The following RPRD2 variants were observed in gnomAD, a reference collection of about 807,000 sequenced individuals.
RPRD2 encodes regulation of nuclear pre-mRNA domain containing 2.
RPRD2 carries 12 observed loss-of-function variants against 104.4 expected under a neutral mutation model. The observed-to-expected ratio is 0.11, with a 90% CI of 0.07 to 0.19. RPRD2 has a LOEUF of 0.19. RPRD2 is among the 10% of genes least tolerant of loss of function. The pLI is 1.00. For synonymous variants in RPRD2, 714 were observed against 684.9 expected (o/e 1.04, Z -0.66); for missense variants, 1,543 against 1,790.1 (o/e 0.86, Z 2.49).
chr1:150,384,512 C>T (rs897982963), intron 1 of RPRD2, among the ~76,000 whole-genome samples: 4 of 148,948 alleles, frequency 2.7e-5, no homozygotes, highest in African/African-American at 9.9e-5. Context: ...GCTCTTGTTG[C>T]CCAGGCTGGA....
At chr1:150,372,086 G>A (rs587623020) in intron 1 of RPRD2, among the ~76,000 whole-genome samples, 1 of 152,276 alleles carries the variant, frequency 6.6e-6, no homozygotes, top group African/African-American at 2.4e-5. Context: ...TTGATGACCT[G>A]TAGAGTGTAA....
At chr1:150,460,385 T>C in intron 9 of RPRD2, 68 bp downstream of exon 9, 1 of 1,427,316 alleles carries the variant, frequency 7.0e-7, no homozygotes, top group East Asian at 2.5e-5. Flanking sequence ...ATTAATCTGT[T>C]TTTGGGGGGG....
chr1:150,398,210 T>TA (rs1553884599), intron 1 of RPRD2, among the ~76,000 whole-genome samples: 3 of 143,618 alleles, frequency 2.1e-5, no homozygotes, highest in Admixed American at 6.9e-5. Context: ...TATTTTATTT[T>TA]TTTTGAGACG....
At chr1:150,468,459 G>A (rs986954292) in intron 10 of RPRD2, among the ~76,000 whole-genome samples, 1 of 151,934 alleles carries the variant, frequency 6.6e-6, no homozygotes, top group Non-Finnish European at 1.5e-5. Context: ...ATGTTCTTTT[G>A]AAGAAGTTAT....
chr1:150,419,787 G>A (rs191493603), intron 2 of RPRD2, among the ~76,000 whole-genome samples: 20 of 152,098 alleles, frequency 1.3e-4, no homozygotes, highest in African/African-American at 4.8e-4. Context: ...GCGCCACCAC[G>A]CCCAGCTAAT....
chr1:150,430,676 T>C (rs1665496621), intron 2 of RPRD2, among the ~76,000 whole-genome samples: 1 of 152,170 alleles, frequency 6.6e-6, no homozygotes, highest in Admixed American at 6.6e-5. Flanking sequence ...ACGCCTGTCA[T>C]CCCAGCACTT....
In RPRD2 at chr1:150,446,877, C is replaced by T. The variant is rs587734405; in HGVS notation, c.870+476C>T. On this transcript the variant is annotated intron_variant, in intron 7 of 10. Coordinates refer to ENST00000369068, the MANE Select transcript of RPRD2 (RefSeq NM_015203.5). The stretch of plus-strand genomic sequence containing the variant: ...GAACGGAGTTTGTCGCTCTTGTTGC[C>T]CAGGCTAGAGTGCAGTGGTGCAATC... 7.2e-5 allele frequency among the ~76,000 whole-genome samples: 10 copies of T among 138,724 alleles called. No homozygotes were observed. In the South Asian group the frequency reaches 2.2e-3, roughly 30 times the overall value. 91.0% of individuals were successfully genotyped at this position (138,724 alleles called of 152,430 possible).
At chr1:150,369,872 C>T (rs941970312) in intron 1 of RPRD2, among the ~76,000 whole-genome samples, 4 of 151,968 alleles carry the variant, frequency 2.6e-5, no homozygotes, top group African/African-American at 9.7e-5. Flanking sequence ...CCTCCATCTC[C>T]CGGGCTCAAG....
chr1:150,388,348 A>T (rs1553882365), intron 1 of RPRD2, among the ~76,000 whole-genome samples: 1 of 138,278 alleles, frequency 7.2e-6, no homozygotes, highest in Non-Finnish European at 1.6e-5. Context: ...GTATATACAC[A>T]CACATATACA....
Position 150,476,219 on chromosome 1 carries a change from A to G in RPRD2, c.*2885A>G, listed in dbSNP as rs1668883865. The G allele has an allele frequency of 6.6e-6, 1 of 152,166 alleles. No individual in the cohort carries two copies. Among genetic ancestry groups the G allele is most frequent in the Non-Finnish European group, 1.5e-5 (1 of 68,036 alleles). The allele number at this position is 152,166 out of a possible 1,614,324, so 9.4% of individuals were successfully genotyped here. On this transcript the variant is annotated 3_prime_UTR_variant, in exon 11 of 11. Coordinates refer to ENST00000369068, the MANE Select transcript of RPRD2 (RefSeq NM_015203.5). ...TATACTTTCCAATACCAGGAATAAAATGTTTGTGATATATATGGGTCCAGC... is the reference window on the plus strand; with the variant it reads ...TATACTTTCCAATACCAGGAATAAAGTGTTTGTGATATATATGGGTCCAGC...
chr1:150,461,775 T>G (rs1667947911), intron 9 of RPRD2, among the ~76,000 whole-genome samples: 1 of 148,040 alleles, frequency 6.8e-6, no homozygotes, highest in South Asian at 2.2e-4. Context: ...GGTCAAGAGA[T>G]CGAGACCATC....
chr1:150,464,478 T>A, intron 9 of RPRD2, 49 bp from the exon 10 acceptor site: 1 of 1,452,568 alleles, frequency 6.9e-7, no homozygotes, highest in Non-Finnish European at 9.4e-7. Context: ...TATCGGAAAT[T>A]GAAGTCATTT....
Position 150,473,193 on chromosome 1 carries a change from G to A in RPRD2, c.4245G>A (p.Arg1415=), listed in dbSNP as rs1668715356. ...TCAGCCGGAGTGGTATAATCTTACG[G>A]AGTCCCCGGCCAGACTTTCGGCCTA... is the stretch of plus-strand genomic sequence containing the variant. The part of the protein sequence containing the change: ...DTISRSGIIL[R]SPRPDFRPRE... The change falls in exon 11 of 11, where the codon CGG becomes CGA. Residue 1415 remains arginine (R), a synonymous_variant. Coordinates refer to ENST00000369068, the MANE Select transcript of RPRD2 (RefSeq NM_015203.5). 6.2e-7 allele frequency: 1 copy of A among 1,613,860 alleles called. No individual in the cohort carries two copies. Among genetic ancestry groups the A allele is most frequent in the African/African-American group, 1.3e-5 (1 of 74,918 alleles).
intron 3 of RPRD2, chr1:150,441,656 C>G: frequency 2.4e-6 from 1 of 412,348 alleles, no homozygotes; most frequent in Non-Finnish European, 4.4e-6. Context: ...CTCCCCTATT[C>G]TTTTCAGAAT....
At chr1:150,396,055 T>C (rs996588882) in intron 1 of RPRD2, among the ~76,000 whole-genome samples, 1 of 152,202 alleles carries the variant, frequency 6.6e-6, no homozygotes, top group African/African-American at 2.4e-5. Flanking sequence ...TCAGGTGGTA[T>C]CACATTGTGG....
At chr1:150,373,051 T>C (rs1660434967) in intron 1 of RPRD2, among the ~76,000 whole-genome samples, 1 of 152,018 alleles carries the variant, frequency 6.6e-6, no homozygotes. Context: ...TTTTGCTCTG[T>C]TGCTCAGGCT....
At chr1:150,422,070 C>T (rs1664792619) in intron 2 of RPRD2, among the ~76,000 whole-genome samples, 1 of 151,882 alleles carries the variant, frequency 6.6e-6, no homozygotes, top group South Asian at 2.1e-4. Flanking sequence ...CACCTGTAAT[C>T]CCAGCACTTT....
chr1:150,398,370 G>A (rs587662030), intron 1 of RPRD2, among the ~76,000 whole-genome samples: 161 of 151,710 alleles, frequency 1.1e-3, no homozygotes, highest in Non-Finnish European at 1.7e-3. Flanking sequence ...CTAATTTTTT[G>A]TATTTTTAGT....
At chr1:150,427,144 C>CAATA (rs1397499971) in intron 2 of RPRD2, among the ~76,000 whole-genome samples, 3 of 148,294 alleles carry the variant, frequency 2.0e-5, no homozygotes, top group Non-Finnish European at 4.5e-5. Flanking sequence ...GACTGAGTCT[C>CAATA]AATAAATAAA....
Sources: allele counts gnomAD v4.1 joint callset (sites outside exome capture counted in the v4.1 genomes callset), GRCh38; gene constraint gnomAD v4.1.1; transcripts MANE v1.5; gene names NCBI Gene and HGNC (gene_info 2026-07-23, HGNC 2026-07-21).